Variants in CDYL observed in about 807,000 individuals in gnomAD.
CDYL encodes the protein chromodomain Y-like protein.
A neutral mutation model predicts 47.3 loss-of-function variants in CDYL; 8 were observed. The ratio of observed to expected loss-of-function variants is 0.17; its 90% CI spans 0.10 to 0.31. The LOEUF (loss-of-function observed/expected upper bound fraction) is 0.31. Among genes scored for constraint, CDYL ranks in the 10% least tolerant of loss-of-function variants. The probability of loss-of-function intolerance (pLI) is 1.00; values close to 1 mark genes in which losing one functional copy is unlikely to be tolerated. For synonymous variants in CDYL, 266 were observed against 265.0 expected (o/e 1.00, Z -0.04); for missense variants, 471 against 701.4 (o/e 0.67, Z 3.71).
intron 2 of CDYL, among the ~76,000 whole-genome samples, chr6:4,933,320 C>G (rs972462783): frequency 1.3e-5 from 2 of 152,208 alleles, no homozygotes; most frequent in Non-Finnish European, 2.9e-5. Context: ...GATGCTCACC[C>G]TGGAGGAGCA....
intron 3 of CDYL, among the ~76,000 whole-genome samples, chr6:4,764,303 T>G (rs1758219740): frequency 6.6e-6 from 1 of 152,118 alleles, no homozygotes. Context: ...TTGTTTTTTG[T>G]TTTTGAGATG....
At chr6:4,802,031 C>T (rs191195473) in intron 1 of CDYL, among the ~76,000 whole-genome samples, 5 of 152,262 alleles carry the variant, frequency 3.3e-5, no homozygotes, top group Admixed American at 3.3e-4. Flanking sequence ...CTAGCTGCTT[C>T]CCCAATTCCA....
At chr6:4,898,378 T>A (rs1762348322) in intron 2 of CDYL, among the ~76,000 whole-genome samples, 1 of 152,204 alleles carries the variant, frequency 6.6e-6, no homozygotes, top group Admixed American at 6.5e-5. Flanking sequence ...TTTGAGGGTT[T>A]GATCAAGAAA....
intron 1 of CDYL, among the ~76,000 whole-genome samples, chr6:4,826,620 A>AGG (rs763968827): frequency 6.6e-6 from 1 of 152,128 alleles, no homozygotes; most frequent in Admixed American, 6.5e-5. Flanking sequence ...TGGTTGTTGA[A>AGG]GGAGGGTGTT....
chr6:4,742,284 A>G (rs894999887), intron 3 of CDYL, among the ~76,000 whole-genome samples: 2 of 151,284 alleles, frequency 1.3e-5, no homozygotes, highest in Admixed American at 6.6e-5. Flanking sequence ...TGGGAGGGTC[A>G]TTTAAGCCCA....
chr6:4,723,742 CACAA>C (rs1364451417), intron 2 of CDYL, among the ~76,000 whole-genome samples: 3 of 152,186 alleles, frequency 2.0e-5, no homozygotes, highest in Admixed American at 6.5e-5. Flanking sequence ...TCTGAAGGCA[CACAA>C]ACAACACATA....
intron 4 of CDYL, among the ~76,000 whole-genome samples, chr6:4,943,251 C>T (rs1169164135): frequency 5.9e-5 from 9 of 152,080 alleles, no homozygotes; most frequent in African/African-American, 1.2e-4. Context: ...TTATAGAGCC[C>T]GAGAGCCACC....
chr6:4,764,070 G>A (rs760096390), intron 3 of CDYL, among the ~76,000 whole-genome samples: 14 of 152,142 alleles, frequency 9.2e-5, no homozygotes, highest in East Asian at 1.9e-4. Context: ...AGAATTATAC[G>A]TAGAATCAAA....
chr6:4,920,313 TTGTA>T (rs771877104), intron 2 of CDYL, among the ~76,000 whole-genome samples: 2 of 152,300 alleles, frequency 1.3e-5, no homozygotes, highest in South Asian at 2.1e-4. Context: ...AAGTGGTAAA[TTGTA>T]TGCTCTGTGC....
At position 4,955,133 on chromosome 6, in the gene CDYL, T is replaced by C. The variant is rs1040942056; in HGVS notation, c.*1077T>C. 6.6e-6 allele frequency: 1 copy of C among 152,648 alleles called. No individual in the cohort carries two copies. Among genetic ancestry groups the C allele is most frequent in the African/African-American group, 2.4e-5 (1 of 41,450 alleles). 9.5% of individuals were successfully genotyped at this position (152,648 alleles called of 1,614,324 possible). The stretch of plus-strand genomic sequence containing the variant: ...AATGTTCTTGGCCTCTGCTTTTATG[T>C]CTATACAATATACTGAGTTCAGTAT... On this transcript the variant is annotated 3_prime_UTR_variant, in exon 7 of 7. Coordinates refer to ENST00000397588, the MANE Select transcript of CDYL (RefSeq NM_004824.4).
intron 1 of CDYL, among the ~76,000 whole-genome samples, chr6:4,792,684 C>T (rs1758959987): frequency 6.6e-6 from 1 of 152,106 alleles, no homozygotes; most frequent in African/African-American, 2.4e-5. Flanking sequence ...GATCTGCCCA[C>T]CTTGGCCTCC....
At chr6:4,849,023 T>TTC (rs1190526294) in intron 1 of CDYL, among the ~76,000 whole-genome samples, 4 of 152,278 alleles carry the variant, frequency 2.6e-5, no homozygotes, top group African/African-American at 4.8e-5. Context: ...CTAGTTGTCA[T>TTC]TCACCTGTTC....
chr6:4,942,397 T>A (rs1758386226), intron 4 of CDYL, among the ~76,000 whole-genome samples: 1 of 152,190 alleles, frequency 6.6e-6, no homozygotes, highest in Non-Finnish European at 1.5e-5. Flanking sequence ...TGCTGAGTCA[T>A]GATTTTCAGA....
chr6:4,762,776 C>A (rs1320569585), intron 3 of CDYL, among the ~76,000 whole-genome samples: 2 of 149,866 alleles, frequency 1.3e-5, no homozygotes. Context: ...ATAGAAAAAT[C>A]AGAAATGATA....
intron 2 of CDYL, among the ~76,000 whole-genome samples, chr6:4,921,151 G>A (rs1757703340): frequency 6.6e-6 from 1 of 152,220 alleles, no homozygotes; most frequent in South Asian, 2.1e-4. Flanking sequence ...TGGGTAGATA[G>A]ATAAATAGGA....
intron 2 of CDYL, among the ~76,000 whole-genome samples, chr6:4,932,750 C>T (rs1464310214): frequency 1.3e-5 from 2 of 152,198 alleles, no homozygotes; most frequent in South Asian, 2.1e-4. Flanking sequence ...CCTCTGCCTG[C>T]ATCTGCACAG....
chr6:4,924,889 A>T (rs1757821981), intron 2 of CDYL, among the ~76,000 whole-genome samples: 1 of 152,266 alleles, frequency 6.6e-6, no homozygotes, highest in African/African-American at 2.4e-5. Flanking sequence ...TTAACCTAAT[A>T]GAAACAGTAG....
chr6:4,706,970 T>TAACTTGGTTA (rs1316284098), intron 1 of CDYL, among the ~76,000 whole-genome samples: 1 of 152,152 alleles, frequency 6.6e-6, no homozygotes, highest in Non-Finnish European at 1.5e-5. Flanking sequence ...GAACAGAGCC[T>TAACTTGGTTA]AACTTGGTTA....
intron 2 of CDYL, among the ~76,000 whole-genome samples, chr6:4,723,145 T>C (rs1757403438): frequency 6.6e-6 from 1 of 152,094 alleles, no homozygotes; most frequent in African/African-American, 2.4e-5. Flanking sequence ...AATACAACAA[T>C]ATAAATAATA....
Sources: gnomAD v4.1 joint callset for allele counts (sites outside exome capture counted in the v4.1 genomes callset) on GRCh38, gnomAD v4.1.1 for gene constraint, MANE v1.5 for transcripts, NCBI Gene and HGNC (gene_info 2026-07-23, HGNC 2026-07-21) for gene names.